Variants in ZNF716 observed in about 807,000 individuals in gnomAD.
The protein encoded by ZNF716 is zinc finger protein 716.
A neutral mutation model predicts 13.4 loss-of-function variants in ZNF716; 9 were observed. The ratio of observed to expected loss-of-function variants is 0.67; its 90% CI spans 0.41 to 1.18. The LOEUF is 1.18. Ranked by LOEUF, ZNF716 falls within the 50% of genes most tolerant of loss-of-function variation. ZNF716 has a pLI of 0.01. For missense variants in ZNF716, 581 were observed against 576.6 expected (o/e 1.01, Z -0.08); for synonymous variants, 186 against 195.2 (o/e 0.95, Z 0.39).
intron 3 of ZNF716, among the ~76,000 whole-genome samples, chr7:57,465,461 T>C (rs1284935438): frequency 1.3e-5 from 2 of 152,140 alleles, no homozygotes; most frequent in Non-Finnish European, 2.9e-5. Flanking sequence ...CAAGTAATCA[T>C]TCCACCTTGG....
At chr7:57,463,288 A>G in intron 3 of ZNF716, 120 bp downstream of exon 3, 1 of 1,386,430 alleles carries the variant, frequency 7.2e-7, no homozygotes, top group Non-Finnish European at 9.8e-7. Context: ...CTGAGAAGCC[A>G]GAGTCATTTT....
In ZNF716 at chr7:57,462,462, A is replaced by G. The variant is rs1789725289; in HGVS notation, c.42A>G (p.Gly14=). 6.2e-7 allele frequency: 1 copy of G among 1,613,244 alleles called. No homozygotes were observed. ...GTTTGTTTATTTTTTGTTTTTAGGG[A>G]CTGTTGACATTCAGAGACATAGCTA... is the stretch of plus-strand genomic sequence containing the variant. The part of the protein sequence containing the change: ...RPGPPGSREM[G]LLTFRDIAIE... Residue 14 remains glycine (G), a splice_region_variant and synonymous_variant, in exon 2 of 4, where the codon GGA becomes GGG. Coordinates refer to ENST00000420713, the MANE Select transcript of ZNF716 (RefSeq NM_001159279.1).
At chr7:57,464,850 G>A (rs1789777594) in intron 3 of ZNF716, among the ~76,000 whole-genome samples, 2 of 152,108 alleles carry the variant, frequency 1.3e-5, no homozygotes, top group African/African-American at 4.8e-5. Flanking sequence ...TGCATTGTCT[G>A]CTCATGGCAA....
rs559129505 is a variant in ZNF716 at position 57,470,853 on chromosome 7, T to C, written c.*904T>C. On this transcript the variant is annotated 3_prime_UTR_variant, in exon 4 of 4. Coordinates refer to ENST00000420713, the MANE Select transcript of ZNF716 (RefSeq NM_001159279.1). ...AACCACACCTGACATTTTTCTAAAA[T>C]AGAGAAATCATACTGGTGAAAAACT... 24 of 152,182 alleles carry C rather than the reference T, an allele frequency of 1.6e-4. 1 individual carries two copies. Among genetic ancestry groups the C allele is most frequent in the African/African-American group, 5.5e-4 (23 of 41,548 alleles). 9.4% of individuals were successfully genotyped at this position (152,182 alleles called of 1,614,324 possible).
intron 3 of ZNF716, among the ~76,000 whole-genome samples, chr7:57,466,195 TAAA>T (rs1789809929): frequency 6.6e-6 from 1 of 151,918 alleles, no homozygotes; most frequent in Non-Finnish European, 1.5e-5. Flanking sequence ...TAATAATAAA[TAAA>T]TTTTAAAAAA....
chr7:57,459,777 T>C lies in ZNF716; in HGVS notation c.40-2683T>C, dbSNP rs183078885. On this transcript the variant is annotated intron_variant, in intron 1 of 3. Transcript: ENST00000420713. Reference sequence around the variant, plus strand: ...ATGCTCCCATTACTGTAAAGAACATTGCTGGTGTCTGATAGGGGAGGGCAG... The same window carrying C: ...ATGCTCCCATTACTGTAAAGAACATCGCTGGTGTCTGATAGGGGAGGGCAG... Among the ~76,000 whole-genome samples the C allele has an allele frequency of 6.1e-3, 923 of 152,280 alleles. 7 individuals are homozygous for C. The highest frequency in any genetic ancestry group is 0.02 in the African/African-American group (830 of 41,554).
intron 1 of ZNF716, among the ~76,000 whole-genome samples, chr7:57,455,038 A>AG (rs1554322068): frequency 7.9e-5 from 12 of 151,906 alleles, no homozygotes; most frequent in Admixed American, 7.9e-4. Flanking sequence ...AAAAAAAAAA[A>AG]GTTCTGAATC....
rs782137627 is a variant in ZNF716, at chr7:57,468,869, G to A, written c.408G>A (p.Glu136=). 1.9e-6 allele frequency: 3 copies of A among 1,613,388 alleles called. No individual in the cohort carries two copies. The highest frequency in any genetic ancestry group is 2.7e-5 in the African/African-American group (2 of 74,864). The change falls in exon 4 of 4, where the codon GAG becomes GAA. Residue 136 remains glutamate, a synonymous_variant. Transcript: ENST00000420713. ...GCTGTAAAAGTGTAGGTGAGTGTGA[G>A]GTGCACAAAGGAGGTTATAATTATG... ...KKCCKSVGEC[E]VHKGGYNYVN... is the part of the protein sequence containing the mutation.
chr7:57,452,360 C>T lies in ZNF716; in HGVS notation c.39+2033C>T, dbSNP rs555206496. Among the ~76,000 whole-genome samples the T allele has an allele frequency of 7.7e-4, 117 of 152,014 alleles. 1 individual carries two copies. The highest frequency in any genetic ancestry group is 1.4e-3 in the Non-Finnish European group (96 of 67,986). On this transcript the variant is annotated intron_variant, in intron 1 of 3. Transcript: ENST00000420713. ...ACATAAGAAGAAAGCAGGGGCCGGA[C>T]GCGGTGGCTCATGCCTGTAATCCTA...
chr7:57,452,623 T>C (rs1242865976), intron 1 of ZNF716, among the ~76,000 whole-genome samples: 1 of 152,054 alleles, frequency 6.6e-6, no homozygotes, highest in Non-Finnish European at 1.5e-5. Flanking sequence ...GGACAACAGA[T>C]TGAGACTCTG....
intron 1 of ZNF716, among the ~76,000 whole-genome samples, chr7:57,454,224 A>C (rs1789546768): frequency 6.6e-6 from 1 of 152,190 alleles, no homozygotes; most frequent in Non-Finnish European, 1.5e-5. Flanking sequence ...ATGTTTACTG[A>C]ATGTCCTCTT....
intron 1 of ZNF716, among the ~76,000 whole-genome samples, chr7:57,456,700 A>T (rs1291098475): frequency 1.3e-5 from 2 of 151,698 alleles, no homozygotes; most frequent in African/African-American, 2.4e-5. Context: ...GTGCCACTGC[A>T]CCCCAGCCTG....
Position 57,469,060 on chromosome 7 carries a change from T to C in ZNF716, c.599T>C (p.Leu200Pro). The C allele has an allele frequency of 3.1e-6, 5 of 1,607,424 alleles. No homozygotes were observed. Among genetic ancestry groups the C allele is most frequent in the Non-Finnish European group, 4.3e-6 (5 of 1,176,256 alleles). The change falls in exon 4 of 4, where the codon CTA becomes CCA. Residue 200 changes from leucine to proline, a missense_variant. Leu to Pro is a moderately conservative substitution (Grantham distance 98). Coordinates refer to ENST00000420713, the MANE Select transcript of ZNF716 (RefSeq NM_001159279.1). The part of the protein sequence containing the change: ...DGKSFCMLSR[L>P]NQHQIIHTRE... ...AAATCATTTTGCATGCTTTCACGCC[T>C]AAATCAACATCAGATAATTCATACT...
rs1238181674 is a variant in ZNF716 at position 57,473,261 on chromosome 7, T to C, written c.*3312T>C. 1 of 152,104 alleles carries C rather than the reference T, an allele frequency of 6.6e-6. No homozygotes were observed. Among genetic ancestry groups the C allele is most frequent in the African/African-American group, 2.4e-5 (1 of 41,416 alleles). The allele number at this position is 152,104 out of a possible 1,614,324, so 9.4% of individuals were successfully genotyped here. A position where few individuals can be genotyped will look rare whatever the true frequency, so the allele number is the denominator to read the frequency against. On this transcript the variant is annotated 3_prime_UTR_variant, in exon 4 of 4. Coordinates refer to ENST00000420713, the MANE Select transcript of ZNF716 (RefSeq NM_001159279.1). The stretch of plus-strand genomic sequence containing the variant: ...CTAAAGATATACCAGCCGAGCACAG[T>C]GGCTCCCAGCATTTTGGGAGCCTGA...
intron 3 of ZNF716, 91 bp from the exon 4 acceptor site, chr7:57,468,633 T>A: frequency 7.6e-7 from 1 of 1,319,180 alleles, no homozygotes. Context: ...ATTTTGCTAA[T>A]GTACTTTGTA....
At chr7:57,452,361 G>A (rs1229998131) in intron 1 of ZNF716, among the ~76,000 whole-genome samples, 2 of 151,914 alleles carry the variant, frequency 1.3e-5, no homozygotes, top group Non-Finnish European at 2.9e-5. Context: ...GGGGCCGGAC[G>A]CGGTGGCTCA....
intron 3 of ZNF716, among the ~76,000 whole-genome samples, chr7:57,467,069 A>G (rs1430770196): frequency 8.1e-6 from 1 of 122,800 alleles, no homozygotes; most frequent in Non-Finnish European, 1.6e-5. Context: ...TTTGTGCTAC[A>G]TTGGAGATTT....
Position 57,468,870 on chromosome 7 carries a change from G to C in ZNF716, c.409G>C (p.Val137Leu). 6.2e-7 allele frequency: 1 copy of C among 1,613,596 alleles called. No individual in the cohort carries two copies. The highest frequency in any genetic ancestry group is 8.5e-7 in the Non-Finnish European group (1 of 1,179,806). The change falls in exon 4 of 4, where the codon GTG becomes CTG. Residue 137 changes from valine (V) to leucine (L), a missense_variant. Transcript: ENST00000420713. ...CTGTAAAAGTGTAGGTGAGTGTGAG[G>C]TGCACAAAGGAGGTTATAATTATGT... is the stretch of plus-strand genomic sequence containing the variant. ...KCCKSVGECE[V>L]HKGGYNYVNQ...
In ZNF716 at chr7:57,469,267, A is replaced by G; in HGVS notation, c.806A>G (p.Tyr269Cys). Residue 269 changes from tyrosine (Y) to cysteine (C), a missense_variant, in exon 4 of 4, where the codon TAC becomes TGC. Tyr to Cys is a radical substitution (Grantham distance 194). Coordinates refer to ENST00000420713, the MANE Select transcript of ZNF716 (RefSeq NM_001159279.1). ...AGAATTCATACTGGAGAGAAACCTT[A>G]CACATGTGAAGAACGTGGCAAAGTC... Reference protein sequence around the residue: ...HKRIHTGEKPYTCEERGKVFS... With the variant: ...HKRIHTGEKPCTCEERGKVFS... 6.3e-7 allele frequency: 1 copy of G among 1,590,382 alleles called. No individual in the cohort carries two copies. Among genetic ancestry groups the G allele is most frequent in the East Asian group, 2.3e-5 (1 of 43,368 alleles).
Sources: allele counts gnomAD v4.1 joint callset (sites outside exome capture counted in the v4.1 genomes callset), GRCh38; gene constraint gnomAD v4.1.1; transcripts MANE v1.5; gene names NCBI Gene and HGNC (gene_info 2026-07-23, HGNC 2026-07-21).